GARIN4: variants seen among roughly 807,000 people sequenced by gnomAD.
GARIN4 encodes Golgi-associated RAB2 interactor protein 4.
chr1:212,626,534 A>G, the GARIN4 span: 1 of 1,614,182 alleles, frequency 6.2e-7, no homozygotes, highest in Admixed American at 1.7e-5. Context: ...TGTGAACGTC[A>G]TGGCTAAGAT....
the GARIN4 span, chr1:212,625,632 C>T: frequency 1.9e-6 from 3 of 1,614,184 alleles, no homozygotes; most frequent in South Asian, 1.1e-5. Flanking sequence ...AACAAACCCA[C>T]TAATGTGCTC....
the GARIN4 span, chr1:212,626,729 TC>T: frequency 6.6e-7 from 1 of 1,522,864 alleles, no homozygotes; most frequent in East Asian, 2.3e-5. Context: ...GAAAGCCTAT[TC>T]CAGCGTTCTT....
the GARIN4 span, chr1:212,625,233 C>T: frequency 6.2e-7 from 1 of 1,614,128 alleles, no homozygotes; most frequent in South Asian, 1.1e-5. Context: ...TTAGAGCTCA[C>T]CAGGCTTCTG....
chr1:212,624,837 G>C, the GARIN4 span: 1 of 1,510,912 alleles, frequency 6.6e-7, no homozygotes, highest in Non-Finnish European at 8.9e-7. Context: ...AAGACCCAGA[G>C]ACCTGCCTCA....
At chr1:212,625,524 A>G in the GARIN4 span, 1 of 1,614,132 alleles carries the variant, frequency 6.2e-7, no homozygotes, top group Non-Finnish European at 8.5e-7. Context: ...AAGGGGGATC[A>G]GGACCAGGTC....
the GARIN4 span, chr1:212,626,480 G>C: frequency 6.2e-7 from 1 of 1,614,240 alleles, no homozygotes; most frequent in Non-Finnish European, 8.5e-7. Flanking sequence ...GAACGTCAGA[G>C]CCAACCTTAC....
At chr1:212,625,354 A>C in the GARIN4 span, 1 of 1,614,254 alleles carries the variant, frequency 6.2e-7, no homozygotes, top group African/African-American at 1.3e-5. Context: ...CTCTTGACAC[A>C]CGGGATGACC....
the GARIN4 span, chr1:212,625,517 G>A: frequency 6.2e-7 from 1 of 1,614,212 alleles, no homozygotes; most frequent in Non-Finnish European, 8.5e-7. Flanking sequence ...TCAAGGAAAG[G>A]GGGATCAGGA....
chr1:212,625,117 C>G, the GARIN4 span: 3 of 1,614,068 alleles, frequency 1.9e-6, no homozygotes, highest in Non-Finnish European at 1.7e-6. Flanking sequence ...GCCCCATCCT[C>G]CCACTCCCAG....
At chr1:212,626,232 A>G in the GARIN4 span, 38 of 1,614,058 alleles carry the variant, frequency 2.4e-5, no homozygotes, top group Non-Finnish European at 3.1e-5. Flanking sequence ...ACAAGGGGAG[A>G]CAAGATTGCC....
chr1:212,626,564 G>A, the GARIN4 span: 14 of 1,614,050 alleles, frequency 8.7e-6, no homozygotes, highest in Admixed American at 5.0e-5. Flanking sequence ...GAGCACCAAC[G>A]TGGCCATCGC....
chr1:212,626,539 T>C, the GARIN4 span: 504 of 1,614,040 alleles, frequency 3.1e-4, 1 homozygote, highest in Non-Finnish European at 6.2e-5. Flanking sequence ...ACGTCATGGC[T>C]AAGATGGCGG....
At chr1:212,625,699 G>T in the GARIN4 span, 3 of 1,614,080 alleles carry the variant, frequency 1.9e-6, no homozygotes, top group African/African-American at 1.3e-5. Flanking sequence ...CAACAGGGGG[G>T]ATTAAAGAGG....
chr1:212,625,724 G>A, the GARIN4 span: 1 of 1,613,930 alleles, frequency 6.2e-7, no homozygotes, highest in Non-Finnish European at 8.5e-7. Context: ...AGCAGCAGGG[G>A]CAGCTGCAGG....
At chr1:212,625,740 C>A in the GARIN4 span, 1 of 1,613,894 alleles carries the variant, frequency 6.2e-7, no homozygotes, top group Non-Finnish European at 8.5e-7. Flanking sequence ...GCAGGGGCAG[C>A]AACAGGCACC....
chr1:212,625,112 A>G, the GARIN4 span: 1 of 1,614,138 alleles, frequency 6.2e-7, no homozygotes, highest in South Asian at 1.1e-5. Flanking sequence ...TACCAGCCCC[A>G]TCCTCCCACT....
At chr1:212,625,363 C>G in the GARIN4 span, 1 of 1,614,208 alleles carries the variant, frequency 6.2e-7, no homozygotes, top group Non-Finnish European at 8.5e-7. Context: ...CACGGGATGA[C>G]CTCTTTGCCT....
chr1:212,625,688 GC>G, the GARIN4 span: 424 of 1,614,118 alleles, frequency 2.6e-4, no homozygotes, highest in Non-Finnish European at 3.5e-4. Flanking sequence ...TGAGGAGCCA[GC>G]AACAGGGGGG....
At chr1:212,625,740 C>T in the GARIN4 span, 1 of 1,613,894 alleles carries the variant, frequency 6.2e-7, no homozygotes, top group Non-Finnish European at 8.5e-7. Context: ...GCAGGGGCAG[C>T]AACAGGCACC....
Sources: gnomAD v4.1 joint callset for allele counts on GRCh38, gnomAD v4.1.1 for gene constraint, MANE v1.5 for transcripts, NCBI Gene and HGNC (gene_info 2026-07-23, HGNC 2026-07-21) for gene names.